The following MTHFD1 variants were observed in gnomAD, a reference collection of about 807,000 sequenced individuals.
The protein encoded by MTHFD1 is methylenetetrahydrofolate dehydrogenase, cyclohydrolase and formyltetrahydrofolate synthetase 1.
MTHFD1 carries 44 observed loss-of-function variants against 110.3 expected under a neutral mutation model. The ratio of observed to expected loss-of-function variants is 0.40; its 90% CI spans 0.31 to 0.51. MTHFD1 has a LOEUF of 0.51. Among genes scored for constraint, MTHFD1 ranks in the 20% least tolerant of loss-of-function variants. The pLI, the probability that MTHFD1 is intolerant of heterozygous loss-of-function variation, is 0.60. For missense variants in MTHFD1, 909 were observed against 1,173.1 expected (o/e 0.77, Z 3.29); for synonymous variants, 402 against 428.8 (o/e 0.94, Z 0.77).
chr14:64,391,166 T>C (rs2077801150), intron 1 of MTHFD1, among the ~76,000 whole-genome samples: 1 of 152,126 alleles, frequency 6.6e-6, no homozygotes, highest in African/African-American at 2.4e-5. Flanking sequence ...TTTCTTTCTT[T>C]CTTTCTTTTT....
intron 1 of MTHFD1, 143 bp downstream of exon 1, chr14:64,388,611 G>C (rs1479825319): frequency 1.3e-6 from 1 of 783,558 alleles, no homozygotes; most frequent in Non-Finnish European, 2.2e-6. Context: ...TGCAGCCAAA[G>C]AAAGAGAACC....
At chr14:64,429,207 A>T (rs1388384532) in intron 12 of MTHFD1, among the ~76,000 whole-genome samples, 2 of 134,086 alleles carry the variant, frequency 1.5e-5, no homozygotes, top group Non-Finnish European at 3.2e-5. Flanking sequence ...TGTGCCTGTA[A>T]TCCCAGACCA....
chr14:64,446,745 T>C (rs1160985638), intron 22 of MTHFD1, among the ~76,000 whole-genome samples: 1 of 152,174 alleles, frequency 6.6e-6, no homozygotes, highest in South Asian at 2.1e-4. Context: ...GGTTTCACCG[T>C]GTTAGCCAGG....
At chr14:64,396,558 ATT>A (rs71123843) in intron 1 of MTHFD1, among the ~76,000 whole-genome samples, 7 of 126,770 alleles carry the variant, frequency 5.5e-5, no homozygotes, top group Non-Finnish European at 3.3e-5. Context: ...CTCCCAGTTA[ATT>A]TTTTTTTTTT....
intron 24 of MTHFD1, among the ~76,000 whole-genome samples, chr14:64,450,241 A>C (rs547162787): frequency 6.6e-6 from 1 of 152,366 alleles, no homozygotes; most frequent in African/African-American, 2.4e-5. Context: ...ATATAGACCA[A>C]ATATGTAATT....
At chr14:64,422,713 G>A (rs2078084160) in intron 8 of MTHFD1, among the ~76,000 whole-genome samples, 1 of 152,114 alleles carries the variant, frequency 6.6e-6, no homozygotes, top group East Asian at 1.9e-4. Context: ...GGCTCAGCTG[G>A]ATCTTTAGTT....
chr14:64,402,629 AGT>A (rs2077906382), intron 2 of MTHFD1, among the ~76,000 whole-genome samples: 2 of 152,230 alleles, frequency 1.3e-5, no homozygotes, highest in East Asian at 3.9e-4. Flanking sequence ...TGGACAACAA[AGT>A]GAGATCCCAT....
chr14:64,442,703 C>T (rs1486680951), intron 21 of MTHFD1, among the ~76,000 whole-genome samples: 1 of 152,150 alleles, frequency 6.6e-6, no homozygotes, highest in Admixed American at 6.5e-5. Flanking sequence ...AACTGTTTTA[C>T]GTTCAGACTG....
intron 23 of MTHFD1, 40 bp from the exon 24 acceptor site, chr14:64,449,405 G>T: frequency 6.2e-7 from 1 of 1,605,510 alleles, no homozygotes; most frequent in East Asian, 2.2e-5. Context: ...TGTCTCTCCA[G>T]CCATTTTCCA....
intron 23 of MTHFD1, 97 bp from the exon 24 acceptor site, chr14:64,449,348 T>C: frequency 7.2e-7 from 1 of 1,393,856 alleles, no homozygotes; most frequent in African/African-American, 1.4e-5. Flanking sequence ...TGTTCGTTTA[T>C]CAGTGGGTAA....
intron 4 of MTHFD1, 109 bp downstream of exon 4, chr14:64,412,634 AT>A (rs10678665): frequency 0.065 from 29,787 of 461,740 alleles, no homozygotes; most frequent in East Asian, 0.11. Flanking sequence ...ACCTCCAGGT[AT>A]TTTTTTTTTT....
rs1402337625 is a variant in MTHFD1 at position 64,454,730 on chromosome 14, G to A, written c.2573G>A (p.Gly858Glu). 8.1e-6 allele frequency: 13 copies of A among 1,613,388 alleles called. No individual in the cohort carries two copies. The highest frequency in any genetic ancestry group is 1.1e-5 in the Non-Finnish European group (13 of 1,179,564). Residue 858 changes from glycine (G) to glutamate (E), a missense_variant, in exon 26 of 28, where the codon GGG becomes GAG. Gly to Glu is a moderately conservative substitution (Grantham distance 98). This residue lies in a region of MTHFD1 where 482 missense variants were observed against 646.0 expected (regional missense o/e 0.75). Coordinates refer to ENST00000652337, the MANE Select transcript of MTHFD1 (RefSeq NM_005956.4). ...KAEVYTKQGFGNLPICMAKTH... is the reference protein window; with the variant it reads ...KAEVYTKQGFENLPICMAKTH... ...CTTCCCTTCTTTCCCCAGGGCTTTG[G>A]GAATCTCCCCATCTGCATGGCTAAA... is the stretch of plus-strand genomic sequence containing the variant.
intron 2 of MTHFD1, among the ~76,000 whole-genome samples, chr14:64,403,121 A>AT (rs966368144): frequency 3.3e-4 from 49 of 146,324 alleles, no homozygotes; most frequent in African/African-American, 6.2e-4. Flanking sequence ...ACCATGCCTA[A>AT]TTTTTTTTTT....
chr14:64,441,339 GT>G (rs753507199), intron 18 of MTHFD1, 45 bp from the exon 19 acceptor site: 5 of 1,590,070 alleles, frequency 3.1e-6, no homozygotes, highest in African/African-American at 1.3e-5. Flanking sequence ...AGAAGGTTGG[GT>G]TTTTTTGCTG....
intron 22 of MTHFD1, 90 bp downstream of exon 22, chr14:64,444,824 G>A: frequency 1.4e-6 from 2 of 1,436,520 alleles, no homozygotes; most frequent in Non-Finnish European, 2.0e-6. Context: ...AAATGAATGG[G>A]TTATTGCTGT....
chr14:64,458,339 T>C, intron 27 of MTHFD1, 32 bp downstream of exon 27: 2 of 1,349,026 alleles, frequency 1.5e-6, no homozygotes, highest in Non-Finnish European at 1.1e-6. Flanking sequence ...ATTTGGCTTT[T>C]TTCCTCATGT....
intron 22 of MTHFD1, among the ~76,000 whole-genome samples, chr14:64,447,850 T>C (rs999253594): frequency 3.3e-5 from 5 of 152,174 alleles, no homozygotes; most frequent in Admixed American, 2.6e-4. Flanking sequence ...TATGAATACA[T>C]AAAATCTATA....
At chr14:64,421,877 T>A (rs538218449) in intron 8 of MTHFD1, among the ~76,000 whole-genome samples, 1 of 152,100 alleles carries the variant, frequency 6.6e-6, no homozygotes, top group African/African-American at 2.4e-5. Flanking sequence ...CGCCCACCTT[T>A]GCCTCCCAAA....
Position 64,431,807 on chromosome 14 carries a change from G to T in MTHFD1, c.1440G>T (p.Val480=). The change falls in exon 15 of 28, where the codon GTG becomes GTT. Residue 480 remains valine, a synonymous_variant. Coordinates refer to ENST00000652337, the MANE Select transcript of MTHFD1 (RefSeq NM_005956.4). ...QTDKALFNRL[V]PSVNGVRRFS... is the part of the protein sequence containing the mutation. The stretch of plus-strand genomic sequence containing the variant: ...TTAAGGCTCTCTTTAATCGTTTGGT[G>T]CCATCAGTAAATGGAGTGAGAAGGT... 1.9e-6 allele frequency: 3 copies of T among 1,614,180 alleles called. No individual in the cohort carries two copies. The highest frequency in any genetic ancestry group is 2.5e-6 in the Non-Finnish European group (3 of 1,180,024).
Sources: gnomAD v4.1 joint callset for allele counts (sites outside exome capture counted in the v4.1 genomes callset) on GRCh38, gnomAD v4.1.1 for gene constraint, gnomAD v4.1.1 regional missense constraint, MANE v1.5 for transcripts, NCBI Gene and HGNC (gene_info 2026-07-23, HGNC 2026-07-21) for gene names.